The following DCAF1 variants were observed in gnomAD, a reference collection of about 807,000 sequenced individuals.
DCAF1 encodes the protein DDB1- and CUL4-associated factor 1.
In DCAF1, 15 loss-of-function variants were observed where a neutral mutation model predicts 128.0. The ratio of observed to expected loss-of-function variants is 0.12; its 90% CI spans 0.08 to 0.18. DCAF1 has a LOEUF of 0.18. Ranked by LOEUF, DCAF1 falls within the 10% of genes least tolerant of loss-of-function variation. The pLI is 1.00. For missense variants in DCAF1, 988 were observed against 1,649.5 expected (o/e 0.60, Z 6.95); for synonymous variants, 610 against 603.0 (o/e 1.01, Z -0.17).
In DCAF1 at chr3:51,422,413, A is replaced by G. The variant is rs782722083; in HGVS notation, c.1866T>C (p.Phe622=). ...TYYARNDTVR[F]ALDVLAILTV... ...TAAGAATAGCCAGGACATCCAAAGC[A>G]AAGCGCACAGTGTCATTCCTGGACA... The change falls in exon 14 of 25, where the codon TTT becomes TTC. Residue 622 remains phenylalanine, a synonymous_variant. Coordinates refer to ENST00000684031, the MANE Select transcript of DCAF1 (RefSeq NM_001387579.1). 5 of 725,826 alleles carry G rather than the reference A, an allele frequency of 6.9e-6. No homozygotes were observed. The African/African-American group carries it at 8.7e-5, about 13-fold the overall frequency. 45.0% of individuals were successfully genotyped at this position (725,826 alleles called of 1,614,324 possible). A position where few individuals can be genotyped will look rare whatever the true frequency, so the allele number is the denominator to read the frequency against.
chr3:51,427,326 CA>C, intron 13 of DCAF1, 45 bp downstream of exon 13: 2 of 641,352 alleles, frequency 3.1e-6, no homozygotes, highest in Non-Finnish European at 5.7e-6. Flanking sequence ...TCAACTTTAA[CA>C]AAAAGATGCA....
chr3:51,445,603 C>CT (rs1282708635), intron 6 of DCAF1, among the ~76,000 whole-genome samples: 1 of 152,198 alleles, frequency 6.6e-6, no homozygotes. Flanking sequence ...CTGCCATACT[C>CT]TGCTATTTTA....
chr3:51,406,694 C>A (rs1398277978), intron 23 of DCAF1, among the ~76,000 whole-genome samples: 2 of 152,174 alleles, frequency 1.3e-5, no homozygotes, highest in African/African-American at 2.4e-5. Context: ...TACATCTAAA[C>A]CTGGCTTCAG....
intron 23 of DCAF1, among the ~76,000 whole-genome samples, chr3:51,410,360 G>T (rs1331318510): frequency 6.6e-6 from 1 of 152,226 alleles, no homozygotes; most frequent in Non-Finnish European, 1.5e-5. Flanking sequence ...ATTTTAGGTT[G>T]AGTCTCTGTT....
intron 6 of DCAF1, among the ~76,000 whole-genome samples, chr3:51,448,272 C>G (rs1702061324): frequency 6.6e-6 from 1 of 152,196 alleles, no homozygotes; most frequent in African/African-American, 2.4e-5. Flanking sequence ...CTTTCTAATT[C>G]TAGTCCATGT....
At position 51,398,812 on chromosome 3, in the gene DCAF1, T is replaced by C. The variant is rs1273765383; in HGVS notation, c.4481A>G (p.Asn1494Ser). ...LILGDTDSSDNSDLEDDIILS... is the reference protein window; with the variant it reads ...LILGDTDSSDSSDLEDDIILS... Reference sequence around the variant, plus strand: ...GATGATGTCATCTTCCAAATCAGAGTTGTCAGAGCTGTCAGCTGAAAGGGA... The same window carrying C: ...GATGATGTCATCTTCCAAATCAGAGCTGTCAGAGCTGTCAGCTGAAAGGGA... Residue 1494 changes from asparagine (N) to serine (S), a missense_variant, in exon 25 of 25, where the codon AAC becomes AGC. Coordinates refer to ENST00000684031, the MANE Select transcript of DCAF1 (RefSeq NM_001387579.1). 5.0e-6 allele frequency: 8 copies of C among 1,587,702 alleles called. No homozygotes were observed. The highest frequency in any genetic ancestry group is 1.3e-5 in the African/African-American group (1 of 74,454).
chr3:51,461,456 T>A (rs1239091036), intron 6 of DCAF1, among the ~76,000 whole-genome samples: 1 of 152,154 alleles, frequency 6.6e-6, no homozygotes, highest in Non-Finnish European at 1.5e-5. Flanking sequence ...ACTTTTACAC[T>A]GTTGGTGGGA....
chr3:51,450,940 A>G (rs1702280528), intron 6 of DCAF1, among the ~76,000 whole-genome samples: 1 of 152,026 alleles, frequency 6.6e-6, no homozygotes, highest in Non-Finnish European at 1.5e-5. Flanking sequence ...GTAAAACCCT[A>G]AAGACTCCAT....
chr3:51,476,680 A>ATCCTG (rs1553650641), intron 3 of DCAF1, among the ~76,000 whole-genome samples: 1 of 151,652 alleles, frequency 6.6e-6, no homozygotes, highest in Non-Finnish European at 1.5e-5. Flanking sequence ...GATCAAGACC[A>ATCCTG]TCCTGGCTAA....
At chr3:51,485,116 T>C (rs1553654822) in intron 2 of DCAF1, among the ~76,000 whole-genome samples, 1 of 152,134 alleles carries the variant, frequency 6.6e-6, no homozygotes, top group African/African-American at 2.4e-5. Context: ...GGTTTCACCA[T>C]GTTGGTCAGG....
At chr3:51,487,875 T>C (rs1190543904) in intron 2 of DCAF1, among the ~76,000 whole-genome samples, 1 of 151,822 alleles carries the variant, frequency 6.6e-6, no homozygotes, top group Non-Finnish European at 1.5e-5. Flanking sequence ...TATTTATTTA[T>C]TTATTTGGAG....
chr3:51,498,049 C>CAAAAAAAAA (rs56734063), intron 1 of DCAF1, among the ~76,000 whole-genome samples: 2 of 20,832 alleles, frequency 9.6e-5, no homozygotes, highest in African/African-American at 1.6e-4. Flanking sequence ...GACTCTGTCT[C>CAAAAAAAAA]AAAAAAAAAA....
At chr3:51,455,216 G>A (rs1182220302) in intron 6 of DCAF1, among the ~76,000 whole-genome samples, 8 of 152,058 alleles carry the variant, frequency 5.3e-5, no homozygotes, top group East Asian at 1.9e-4. Context: ...TAAATACCAC[G>A]AAGAATAGGA....
Position 51,413,936 on chromosome 3 carries a change from AT to A in DCAF1, c.3931+13del, listed in dbSNP as rs1698655190. ...GCAAAAGGAAAGAGAATAATGAAGG[AT>A]AAGGTTTATTACCTCCATACATCAC... On this transcript the variant is annotated intron_variant, in intron 20 of 24. Transcript: ENST00000684031. 1 of 1,511,382 alleles carries A rather than the reference AT, an allele frequency of 6.6e-7. No individual in the cohort carries two copies. Among genetic ancestry groups the A allele is most frequent in the Non-Finnish European group, 8.9e-7 (1 of 1,127,276 alleles). The allele number at this position is 1,511,382 out of a possible 1,614,324, so 93.6% of individuals were successfully genotyped here.
At position 51,429,484 on chromosome 3, in the gene DCAF1, A is replaced by G. The variant is rs1553635014; in HGVS notation, c.1468-14T>C. The G allele has an allele frequency of 1.3e-6, 1 of 779,164 alleles. No individual in the cohort carries two copies. The highest frequency in any genetic ancestry group is 2.4e-5 in the East Asian group (1 of 41,210). 48.3% of individuals were successfully genotyped at this position (779,164 alleles called of 1,614,324 possible). A position where few individuals can be genotyped will look rare whatever the true frequency, so the allele number is the denominator to read the frequency against. ...CAAAGTACTGATCTATTAAGATGCAAAATATTGGGGCAAAAGAGGGGAAAA... is the reference window on the plus strand; with the variant it reads ...CAAAGTACTGATCTATTAAGATGCAGAATATTGGGGCAAAAGAGGGGAAAA... On this transcript the variant is annotated splice_polypyrimidine_tract_variant and intron_variant, in intron 11 of 24. Transcript: ENST00000684031.
At chr3:51,427,786 C>G (rs1277115373) in intron 12 of DCAF1, among the ~76,000 whole-genome samples, 1 of 152,036 alleles carries the variant, frequency 6.6e-6, no homozygotes, top group Non-Finnish European at 1.5e-5. Context: ...GCACATGCCA[C>G]CACACCCAGC....
intron 6 of DCAF1, among the ~76,000 whole-genome samples, chr3:51,462,339 T>A (rs1703688650): frequency 6.6e-6 from 1 of 152,128 alleles, no homozygotes; most frequent in Admixed American, 6.6e-5. Context: ...CAAGAATTGC[T>A]TGAACCCAGG....
At chr3:51,453,471 A>C (rs1553641957) in intron 6 of DCAF1, among the ~76,000 whole-genome samples, 1 of 151,734 alleles carries the variant, frequency 6.6e-6, no homozygotes, top group East Asian at 1.9e-4. Context: ...CTACAAAAAA[A>C]TTTTTAAAAA....
intron 4 of DCAF1, among the ~76,000 whole-genome samples, chr3:51,470,511 A>G (rs1409989919): frequency 1.3e-5 from 2 of 152,156 alleles, no homozygotes; most frequent in African/African-American, 4.8e-5. Context: ...GGCTGCAGTG[A>G]GCTATGATCA....
Sources: allele counts gnomAD v4.1 joint callset (sites outside exome capture counted in the v4.1 genomes callset), GRCh38; gene constraint gnomAD v4.1.1; transcripts MANE v1.5; gene names NCBI Gene and HGNC (gene_info 2026-07-23, HGNC 2026-07-21).